The following QSOX2 variants were observed in gnomAD, a reference collection of about 807,000 sequenced individuals.
QSOX2 encodes sulfhydryl oxidase 2.
In QSOX2, 46 loss-of-function variants were observed where a neutral mutation model predicts 61.7. The observed-to-expected ratio is 0.75, with a 90% CI of 0.59 to 0.95. The LOEUF is 0.95. Ranked by LOEUF, QSOX2 falls within the 40% of genes least tolerant of loss-of-function variation. QSOX2 has a pLI of 0.00. For synonymous variants in QSOX2, 383 were observed against 388.4 expected, an observed-to-expected ratio of 0.99 and a Z score of 0.16; for missense variants, 879 against 918.9, an observed-to-expected ratio of 0.96 and a Z score of 0.56.
At position 136,245,610 on chromosome 9, in the gene QSOX2, A is replaced by C; in HGVS notation, c.194T>G (p.Val65Gly). ...CCCGCGCACGCTGCCGCTGTCCAGC[A>C]CCCACACGGCGTCCTCGCCCGCGCG... ...LYRAGEDAVW[V>G]LDSGSVRGAT... The change falls in exon 1 of 12, where the codon GTG (valine) becomes GGG (glycine). Residue 65 changes from valine to glycine, a missense_variant. By Grantham distance (109) the Val-to-Gly change is moderately radical. Coordinates refer to ENST00000358701, the MANE Select transcript of QSOX2 (RefSeq NM_181701.4). The C allele has an allele frequency of 6.4e-7, 1 of 1,552,622 alleles. No individual in the cohort carries two copies. Among genetic ancestry groups the C allele is most frequent in the Non-Finnish European group, 8.6e-7 (1 of 1,160,118 alleles).
chr9:136,218,273 G>A (rs1564291070), intron 8 of QSOX2, among the ~76,000 whole-genome samples: 2 of 151,874 alleles, frequency 1.3e-5, no homozygotes, highest in African/African-American at 4.8e-5. Context: ...TGGGGCAGAT[G>A]CACACCCCAC....
Position 136,216,595 on chromosome 9 carries a change from C to T in QSOX2, c.1209+5G>A. The T allele has an allele frequency of 4.3e-6, 7 of 1,613,554 alleles. No homozygotes were observed. Among genetic ancestry groups the T allele is most frequent in the Non-Finnish European group, 5.9e-6 (7 of 1,179,760 alleles). On this transcript the variant is annotated splice_donor_5th_base_variant and intron_variant, in intron 9 of 11. Coordinates refer to ENST00000358701, the MANE Select transcript of QSOX2 (RefSeq NM_181701.4). ...AGCGTGGCTGGCGAGGGTTCTGGGG[C>T]TCACCCGCATCTTGTTGTTGACCAG...
chr9:136,231,273 A>G (rs746842289), intron 1 of QSOX2, among the ~76,000 whole-genome samples: 7 of 152,140 alleles, frequency 4.6e-5, no homozygotes, highest in Non-Finnish European at 1.0e-4. Context: ...CTAGCGTGTG[A>G]CCAGAATACG....
In QSOX2 at chr9:136,210,091, G is replaced by A. The variant is rs1461253876; in HGVS notation, c.1550-816C>T. 13 of 985,344 alleles carry A rather than the reference G, an allele frequency of 1.3e-5. No homozygotes were observed. In the South Asian group the frequency reaches 1.9e-4, roughly 14 times the overall value. The allele number at this position is 985,344 out of a possible 1,614,324, so 61.0% of individuals were successfully genotyped here. On this transcript the variant is annotated intron_variant, in intron 11 of 11. Transcript: ENST00000358701. ...CCTACTCGGGCCAGTCACTGACTGC[G>A]TGCTTATCCGGCCAACCGGCAGCAG...
chr9:136,226,968 G>A, intron 1 of QSOX2, 94 bp from the exon 2 acceptor site: 1 of 967,938 alleles, frequency 1.0e-6, no homozygotes, highest in Non-Finnish European at 1.7e-6. Context: ...GCGGCCACCT[G>A]CGAGACCAGC....
chr9:136,238,768 G>C (rs930861947), intron 1 of QSOX2, among the ~76,000 whole-genome samples: 1 of 152,266 alleles, frequency 6.6e-6, no homozygotes, highest in African/African-American at 2.4e-5. Context: ...TGCTCAGGAA[G>C]AAGACAAGCA....
intron 11 of QSOX2, 90 bp downstream of exon 11, chr9:136,211,174 A>G (rs1831839072): frequency 1.4e-6 from 2 of 1,391,796 alleles, no homozygotes; most frequent in South Asian, 1.3e-5. Flanking sequence ...CTCAGGGACA[A>G]GCCCCACGGC....
rs2131054826 is a variant in QSOX2 at position 136,219,139 on chromosome 9, A to G, written c.847T>C (p.Ser283Pro). 1 of 1,613,966 alleles carries G rather than the reference A, an allele frequency of 6.2e-7. No individual in the cohort carries two copies. The highest frequency in any genetic ancestry group is 1.1e-5 in the South Asian group (1 of 91,082). The change falls in exon 7 of 12, where the codon TCG (serine) becomes CCG (proline). Residue 283 changes from serine to proline, a missense_variant. Transcript: ENST00000358701. ...NVVKPLRAFF[S>P]SYLKSLPDVR... ...TCCGGCAATGACTTCAAATAAGACG[A>G]AAAGAAGGCCCGCAGAGGCTTCACG... is the stretch of plus-strand genomic sequence containing the variant.
In QSOX2 at chr9:136,217,938, CA is replaced by C. The variant is rs373888531; in HGVS notation, c.1086+740del. On this transcript the variant is annotated intron_variant, in intron 8 of 11. Transcript: ENST00000358701. ...CCTTCAAGATTTCCTGTACTTTTCA[CA>C]AATCACTTTGTAAGTAAACTCTATC... 3.7e-4 allele frequency among the ~76,000 whole-genome samples: 57 copies of C among 152,400 alleles called. No individual in the cohort carries two copies. In the Middle Eastern group the frequency reaches 0.014, roughly 36 times the overall value.
In QSOX2 at chr9:136,209,637, A is replaced by C; in HGVS notation, c.1550-362T>G. The C allele has an allele frequency of 1.0e-6, 1 of 984,906 alleles. No individual in the cohort carries two copies. The highest frequency in any genetic ancestry group is 1.2e-6 in the Non-Finnish European group (1 of 829,606). 61.0% of individuals were successfully genotyped at this position (984,906 alleles called of 1,614,324 possible). The stretch of plus-strand genomic sequence containing the variant: ...CTCTCACCTGGAGGCCTTTCTCCGC[A>C]CAGTGCTGCCTGTGTGCCCCTCCCC... On this transcript the variant is annotated intron_variant, in intron 11 of 11. Transcript: ENST00000358701. This position sits in a 1 kb window ranked among gnomAD's most constrained non-coding sequence, Gnocchi z 5.6.
At chr9:136,241,422 C>T (rs1427104754) in intron 1 of QSOX2, among the ~76,000 whole-genome samples, 1 of 152,212 alleles carries the variant, frequency 6.6e-6, no homozygotes, top group African/African-American at 2.4e-5. Flanking sequence ...TAATTCATCT[C>T]CAAGAAGCCT....
chr9:136,245,057 TG>T (rs1409693949), intron 1 of QSOX2, among the ~76,000 whole-genome samples: 1 of 151,876 alleles, frequency 6.6e-6, no homozygotes, highest in African/African-American at 2.4e-5. Flanking sequence ...GCACTGGGGA[TG>T]GGGTGTGTGG....
At chr9:136,228,228 C>G (rs2131061524) in intron 1 of QSOX2, among the ~76,000 whole-genome samples, 1 of 152,272 alleles carries the variant, frequency 6.6e-6, no homozygotes, top group African/African-American at 2.4e-5. Context: ...TGCATTAATG[C>G]ACCAGGGCTG....
chr9:136,217,855 C>T (rs1430772690), intron 8 of QSOX2, among the ~76,000 whole-genome samples: 7 of 152,214 alleles, frequency 4.6e-5, no homozygotes, highest in African/African-American at 1.7e-4. Flanking sequence ...CTGGATGGCA[C>T]CGTGGGGGAA....
chr9:136,215,802 G>T (rs992715172), intron 9 of QSOX2, among the ~76,000 whole-genome samples: 7 of 152,178 alleles, frequency 4.6e-5, no homozygotes, highest in African/African-American at 1.4e-4. Context: ...CGCTGGGTTT[G>T]GTTTCGTGTC....
chr9:136,242,033 C>A lies in QSOX2; in HGVS notation c.328+3443G>T, dbSNP rs1423887611. ...TGGTGCCTCATCTTCCATCACAAAC[C>A]CAGCAACCATCACTGCCAGGCAGAT... On this transcript the variant is annotated intron_variant, in intron 1 of 11. Transcript: ENST00000358701. Among the ~76,000 whole-genome samples, 3 of 152,332 alleles carry A rather than the reference C, an allele frequency of 2.0e-5. No individual in the cohort carries two copies. In the East Asian group the frequency reaches 5.8e-4, roughly 29 times the overall value.
At chr9:136,227,239 G>T (rs777239847) in intron 1 of QSOX2, among the ~76,000 whole-genome samples, 1 of 152,220 alleles carries the variant, frequency 6.6e-6, no homozygotes, top group Non-Finnish European at 1.5e-5. Flanking sequence ...CAGCAAGCAA[G>T]TACGTGCAGA....
At chr9:136,218,444 A>G (rs912493) in intron 8 of QSOX2, among the ~76,000 whole-genome samples, 150,053 of 152,300 alleles carry the variant, frequency 0.99, 73,926 homozygotes, top group East Asian at 1. Flanking sequence ...CTCGGCTCAC[A>G]CCCCCGCCCC....
intron 2 of QSOX2, among the ~76,000 whole-genome samples, chr9:136,226,401 A>C (rs1396361177): frequency 6.6e-6 from 1 of 152,118 alleles, no homozygotes; most frequent in Non-Finnish European, 1.5e-5. Context: ...CATGTGTGAG[A>C]GCCCCATGGT....
Sources: gnomAD v4.1 joint callset for allele counts (sites outside exome capture counted in the v4.1 genomes callset) on GRCh38, gnomAD v4.1.1 for gene constraint, Gnocchi (gnomAD v3.1) non-coding constraint, MANE v1.5 for transcripts, NCBI Gene and HGNC (gene_info 2026-07-23, HGNC 2026-07-21) for gene names.